PCDHGA6: variants seen among roughly 807,000 people sequenced by gnomAD.
PCDHGA6 encodes protocadherin gamma subfamily A, 6, also known as protocadherin gamma-A6.
Under a neutral mutation model 60.6 loss-of-function variants are expected in PCDHGA6, and 41 were observed. The ratio of observed to expected loss-of-function variants is 0.68; its 90% confidence interval spans 0.53 to 0.88. The LOEUF is 0.88. Among genes scored for constraint, PCDHGA6 ranks in the 40% least tolerant of loss-of-function variants. The pLI, the probability that PCDHGA6 is intolerant of heterozygous loss-of-function variation, is 0.00. For synonymous variants in PCDHGA6, 594 were observed against 524.4 expected (o/e 1.13, Z -1.81); for missense variants, 1,312 against 1,203.0 (o/e 1.09, Z -1.34).
intron 1 of PCDHGA6, among the ~76,000 whole-genome samples, chr5:141,454,796 A>ATTTTTTTTTTTTTTTTTTTTTT (rs61612330): frequency 5.2e-5 from 4 of 77,456 alleles, no homozygotes; most frequent in Non-Finnish European, 7.0e-5. Context: ...CATGGTTCTA[A>ATTTTTTTTTTTTTTTTTTTTTT]TTTTTTTTTT....
intron 1 of PCDHGA6, chr5:141,403,649 T>C: frequency 6.2e-7 from 1 of 1,613,874 alleles, no homozygotes; most frequent in Non-Finnish European, 8.5e-7. Context: ...TGTGACAGTG[T>C]TGGATACAAA....
chr5:141,375,369 C>A lies in PCDHGA6; in HGVS notation c.1286C>A (p.Thr429Lys). Residue 429 changes from threonine (T) to lysine (K), a missense_variant, in exon 1 of 4, where the codon ACA (threonine) becomes AAA (lysine). Coordinates refer to ENST00000517434, the MANE Select transcript of PCDHGA6 (RefSeq NM_018919.3). ...ACTGTGACAGCCACGGACAAAGGAA[C>A]ACCACCTCTGTCTACAGAAACAATC... Reference protein sequence around the residue: ...NITVTATDKGTPPLSTETIIS... With the variant: ...NITVTATDKGKPPLSTETIIS... 1 of 1,613,892 alleles carries A rather than the reference C, an allele frequency of 6.2e-7. No individual in the cohort carries two copies. Among genetic ancestry groups the A allele is most frequent in the South Asian group, 1.1e-5 (1 of 91,084 alleles).
At chr5:141,416,576 A>C (rs1300203182) in intron 1 of PCDHGA6, 2 of 152,204 alleles carry the variant, frequency 1.3e-5, no homozygotes, top group Non-Finnish European at 2.9e-5. Flanking sequence ...TGAAATTGAG[A>C]GGCAAAATAA....
intron 1 of PCDHGA6, chr5:141,433,165 C>T: frequency 2.5e-6 from 4 of 1,613,470 alleles, no homozygotes; most frequent in Non-Finnish European, 2.5e-6. Context: ...TTTCTAAAGA[C>T]AGTCATGGGT....
chr5:141,478,095 C>T, intron 1 of PCDHGA6: 5 of 1,614,100 alleles, frequency 3.1e-6, no homozygotes, highest in Non-Finnish European at 4.2e-6. Context: ...TCCACCACTG[C>T]TACCCTCACT....
chr5:141,399,519 G>A (rs1467117930), intron 1 of PCDHGA6: 2 of 1,614,036 alleles, frequency 1.2e-6, no homozygotes, highest in Non-Finnish European at 1.7e-6. Context: ...ACCCTCCTGG[G>A]GCCTCCATCG....
intron 2 of PCDHGA6, among the ~76,000 whole-genome samples, chr5:141,501,279 A>T (rs1180397181): frequency 3.0e-5 from 4 of 135,444 alleles, no homozygotes. Context: ...AGTCTATGGG[A>T]TATTCCCTTA....
intron 1 of PCDHGA6, chr5:141,441,889 GT>G: frequency 2.9e-6 from 1 of 346,022 alleles, no homozygotes; most frequent in South Asian, 2.6e-5. Flanking sequence ...GGTCACCAAG[GT>G]GGTGGCTGTA....
chr5:141,422,175 T>G (rs2096631593), intron 1 of PCDHGA6: 1 of 1,564,276 alleles, frequency 6.4e-7, no homozygotes, highest in Non-Finnish European at 8.6e-7. Context: ...ATAGATTCTA[T>G]GAGATGGAAA....
chr5:141,428,797 G>A (rs2097161930), intron 1 of PCDHGA6: 1 of 152,310 alleles, frequency 6.6e-6, no homozygotes, highest in Admixed American at 6.5e-5. Context: ...TTCTGTGTGG[G>A]CCAGTAACTT....
intron 1 of PCDHGA6, among the ~76,000 whole-genome samples, chr5:141,386,998 C>G (rs140459920): frequency 6.6e-6 from 1 of 152,058 alleles, no homozygotes; most frequent in African/African-American, 2.4e-5. Flanking sequence ...TGTATTATCC[C>G]CCTGATAACT....
rs779535322 is a variant in PCDHGA6 at position 141,398,516 on chromosome 5, C to A, written c.2424+22009C>A. ...GAGATCGAGGACATTAATGACCACACGCCAAAATTCACGCAAAATTCCTTT... is the reference window on the plus strand; with the variant it reads ...GAGATCGAGGACATTAATGACCACAAGCCAAAATTCACGCAAAATTCCTTT... On this transcript the variant is annotated intron_variant, in intron 1 of 3. Coordinates refer to ENST00000517434, the MANE Select transcript of PCDHGA6 (RefSeq NM_018919.3). The A allele has an allele frequency of 1.9e-6, 3 of 1,598,584 alleles. No individual in the cohort carries two copies. The South Asian group carries it at 3.3e-5, about 18-fold the overall frequency.
chr5:141,490,890 G>C lies in PCDHGA6; in HGVS notation c.2425-3917G>C, dbSNP rs751713801. The C allele has an allele frequency of 9.9e-6, 16 of 1,613,306 alleles. No homozygotes were observed. The South Asian group carries it at 1.2e-4, about 12-fold the overall frequency. On this transcript the variant is annotated intron_variant, in intron 1 of 3. Transcript: ENST00000517434. This position sits in a 1 kb window ranked among gnomAD's most constrained non-coding sequence, Gnocchi z 5.4. ...CCCCATTGCATGCCAACACATCTCT[G>C]CATGTGTTTGTCCTAGACGAGAATG...
chr5:141,469,500 G>A (rs1471801110), intron 1 of PCDHGA6, among the ~76,000 whole-genome samples: 4 of 151,914 alleles, frequency 2.6e-5, no homozygotes, highest in South Asian at 2.1e-4. Flanking sequence ...GCTTGAACCC[G>A]GGAGGTGGAG....
Position 141,511,231 on chromosome 5 carries a change from C to T in PCDHGA6, c.*58C>T. On this transcript the variant is annotated 3_prime_UTR_variant, in exon 4 of 4. Coordinates refer to ENST00000517434, the MANE Select transcript of PCDHGA6 (RefSeq NM_018919.3). ...CTCTCCCCAACCAGCCCAGCTTCTC[C>T]TTACCTGCACCCAGGCCTCAGAGTT... 2 of 1,595,900 alleles carry T rather than the reference C, an allele frequency of 1.3e-6. No individual in the cohort carries two copies. The highest frequency in any genetic ancestry group is 2.2e-5 in the South Asian group (2 of 88,992).
At chr5:141,464,976 A>G (rs2154568682) in intron 1 of PCDHGA6, among the ~76,000 whole-genome samples, 1 of 152,214 alleles carries the variant, frequency 6.6e-6, no homozygotes, top group East Asian at 1.9e-4. Flanking sequence ...TACTGGCTTC[A>G]AGTGATCCTC....
At position 141,487,010 on chromosome 5, in the gene PCDHGA6, GC is replaced by G. The variant is rs2099638172; in HGVS notation, c.2425-7793del. ...TTGGGTTTCCTATCAGCTCCTGGAG[GC>G]CCCAGATCCCAGCCTGTTTGCAGTC... is the stretch of plus-strand genomic sequence containing the variant. On this transcript the variant is annotated intron_variant, in intron 1 of 3. Coordinates refer to ENST00000517434, the MANE Select transcript of PCDHGA6 (RefSeq NM_018919.3). This position sits in a 1 kb window ranked among gnomAD's most constrained non-coding sequence, Gnocchi z 5.0. 6.2e-7 allele frequency: 1 copy of G among 1,614,096 alleles called. No individual in the cohort carries two copies. Among genetic ancestry groups the G allele is most frequent in the Non-Finnish European group, 8.5e-7 (1 of 1,180,056 alleles).
chr5:141,399,559 G>T (rs1589373313), intron 1 of PCDHGA6: 1 of 1,614,038 alleles, frequency 6.2e-7, no homozygotes, highest in African/African-American at 1.3e-5. Context: ...CCTGGACTTG[G>T]GGTTGAACGG....
chr5:141,399,026 A>C (rs1448827116), intron 1 of PCDHGA6: 1 of 1,613,886 alleles, frequency 6.2e-7, no homozygotes, highest in East Asian at 2.2e-5. Flanking sequence ...ATTACCACTC[A>C]AAAGAAACTG....
Sources: allele counts gnomAD v4.1 joint callset (sites outside exome capture counted in the v4.1 genomes callset), GRCh38; gene constraint gnomAD v4.1.1; non-coding constraint Gnocchi (gnomAD v3.1); transcripts MANE v1.5; gene names NCBI Gene and HGNC (gene_info 2026-07-23, HGNC 2026-07-21).